The following SPTBN1 variants were observed in gnomAD, a reference collection of about 807,000 sequenced individuals.
The protein encoded by SPTBN1 is spectrin beta, non-erythrocytic 1.
A neutral mutation model predicts 266.4 loss-of-function variants in SPTBN1; 32 were observed. The ratio of observed to expected loss-of-function variants is 0.12; its 90% CI spans 0.09 to 0.16. The LOEUF (loss-of-function observed/expected upper bound fraction) is 0.16. Ranked by LOEUF, SPTBN1 falls within the 10% of genes least tolerant of loss-of-function variation. SPTBN1 has a pLI of 1.00. For synonymous variants in SPTBN1, 1,336 were observed against 1,162.2 expected (o/e 1.15, Z -3.04); for missense variants, 2,296 against 3,067.1 (o/e 0.75, Z 5.94).
chr2:54,636,621 G>A (rs201278216), intron 17 of SPTBN1, among the ~76,000 whole-genome samples: 1 of 152,218 alleles, frequency 6.6e-6, no homozygotes, highest in East Asian at 1.9e-4. Flanking sequence ...CTTACTCAGC[G>A]TGTTGGAGAA....
chr2:54,513,191 C>T (rs1344856035), intron 1 of SPTBN1, among the ~76,000 whole-genome samples: 1 of 151,902 alleles, frequency 6.6e-6, no homozygotes, highest in African/African-American at 2.4e-5. Flanking sequence ...AGCAAGCAAA[C>T]AAAAAAGAAA....
In SPTBN1 at chr2:54,653,528, A is replaced by C. The variant is rs1680445851; in HGVS notation, c.5578-81A>C. The C allele has an allele frequency of 5.8e-6, 9 of 1,557,194 alleles. No individual in the cohort carries two copies. Among genetic ancestry groups the C allele is most frequent in the Non-Finnish European group, 7.8e-6 (9 of 1,160,034 alleles). On this transcript the variant is annotated intron_variant, in intron 26 of 35. Coordinates refer to ENST00000356805, the MANE Select transcript of SPTBN1 (RefSeq NM_003128.3). This position sits in a 1 kb window ranked among gnomAD's most constrained non-coding sequence, Gnocchi z 5.1. ...GACTCTGTGCTCCCTTTAGTGTATG[A>C]GCAGAACAGAATAGGGCTTGGGGTG... is the stretch of plus-strand genomic sequence containing the variant.
intron 1 of SPTBN1, among the ~76,000 whole-genome samples, chr2:54,480,088 T>TAAAA (rs1415655324): frequency 6.6e-6 from 1 of 152,246 alleles, no homozygotes; most frequent in African/African-American, 2.4e-5. Context: ...AATTGACTTT[T>TAAAA]ACTTTTTCAG....
rs781036330 is a variant in SPTBN1 at position 54,660,008 on chromosome 2, C to A, written c.6420+9C>A. 1.9e-6 allele frequency: 3 copies of A among 1,614,194 alleles called. No homozygotes were observed. Among genetic ancestry groups the A allele is most frequent in the Non-Finnish European group, 8.5e-7 (1 of 1,180,044 alleles). ...AACAGGGATCTCCACGGGTTAGTTA[C>A]CGCTCTCAAACCTACCAAAACTACA... On this transcript the variant is annotated intron_variant, in intron 32 of 35. Transcript: ENST00000356805.
chr2:54,459,917 A>G (rs1005361166), intron 1 of SPTBN1, among the ~76,000 whole-genome samples: 1 of 152,194 alleles, frequency 6.6e-6, no homozygotes, highest in African/African-American at 2.4e-5. Flanking sequence ...ACTTGTAATT[A>G]TATTTAAATT....
Position 54,646,600 on chromosome 2 carries a change from A to G in SPTBN1, c.4866+125A>G, listed in dbSNP as rs968552861. The G allele has an allele frequency of 4.4e-6, 5 of 1,133,604 alleles. No homozygotes were observed. Among genetic ancestry groups the G allele is most frequent in the Non-Finnish European group, 5.9e-6 (5 of 851,116 alleles). 70.2% of individuals were successfully genotyped at this position (1,133,604 alleles called of 1,614,324 possible). A position where few individuals can be genotyped will look rare whatever the true frequency, so the allele number is the denominator to read the frequency against. Reference sequence around the variant, plus strand: ...TGTAGCCTTTGAGTGTTAAGGGGACACCATGTGCATGAAGGTGTCTGAAAT... The same window carrying G: ...TGTAGCCTTTGAGTGTTAAGGGGACGCCATGTGCATGAAGGTGTCTGAAAT... On this transcript the variant is annotated intron_variant, in intron 23 of 35. Transcript: ENST00000356805. The surrounding 1 kb of genome is among the most constrained non-coding windows in gnomAD (Gnocchi z 4.4).
chr2:54,612,423 G>A, intron 4 of SPTBN1, 89 bp downstream of exon 4: 6 of 1,404,386 alleles, frequency 4.3e-6, no homozygotes, highest in Non-Finnish European at 5.7e-6. Context: ...TGTATCAGAG[G>A]GATCGGGAAG....
intron 2 of SPTBN1, among the ~76,000 whole-genome samples, chr2:54,583,790 C>T (rs976953635): frequency 6.6e-6 from 1 of 152,138 alleles, no homozygotes; most frequent in Admixed American, 6.6e-5. Flanking sequence ...TGTGATGCCC[C>T]AGAAGAGTAT....
At chr2:54,509,325 G>A (rs1669734268) in intron 1 of SPTBN1, among the ~76,000 whole-genome samples, 1 of 152,204 alleles carries the variant, frequency 6.6e-6, no homozygotes, top group African/African-American at 2.4e-5. Flanking sequence ...TGGTAACTGT[G>A]GGAGACTCAA....
At chr2:54,639,766 A>C (rs889742141) in intron 18 of SPTBN1, among the ~76,000 whole-genome samples, 13 of 152,174 alleles carry the variant, frequency 8.5e-5, no homozygotes, top group Non-Finnish European at 1.8e-4. Flanking sequence ...CTCCACACAC[A>C]CCTTGGCTGA....
At chr2:54,625,019 C>G in intron 11 of SPTBN1, 57 bp downstream of exon 11, 1 of 1,517,528 alleles carries the variant, frequency 6.6e-7, no homozygotes, top group Non-Finnish European at 8.8e-7. Context: ...GAAACACAGA[C>G]CATCCCCAGG....
At chr2:54,631,705 C>T in intron 16 of SPTBN1, 94 bp downstream of exon 16, 2 of 1,450,854 alleles carry the variant, frequency 1.4e-6, no homozygotes, top group Non-Finnish European at 1.9e-6. Context: ...TTAAACCACA[C>T]CTGTATGGAA....
intron 34 of SPTBN1, among the ~76,000 whole-genome samples, chr2:54,666,460 A>G (rs1023950947): frequency 6.6e-6 from 1 of 152,232 alleles, no homozygotes; most frequent in Non-Finnish European, 1.5e-5. Context: ...AGGAGATGCT[A>G]TTCTTTGCTC....
At chr2:54,529,469 A>G (rs776515710) in intron 2 of SPTBN1, 2 of 715,078 alleles carry the variant, frequency 2.8e-6, no homozygotes, top group Non-Finnish European at 5.2e-6. Flanking sequence ...GAAGATCCGC[A>G]TGTCACCCAC....
intron 1 of SPTBN1, among the ~76,000 whole-genome samples, chr2:54,499,825 CATA>C (rs993387525): frequency 6.6e-6 from 1 of 152,254 alleles, no homozygotes; most frequent in African/African-American, 2.4e-5. Context: ...ACTAATAGTA[CATA>C]ATAATAAAAC....
intron 1 of SPTBN1, among the ~76,000 whole-genome samples, chr2:54,459,835 A>C (rs183611903): frequency 6.6e-6 from 1 of 152,222 alleles, no homozygotes; most frequent in South Asian, 2.1e-4. Context: ...GTAAATTTTC[A>C]GTCTTTGCTT....
chr2:54,585,902 C>T (rs1215191837), intron 2 of SPTBN1, among the ~76,000 whole-genome samples: 1 of 152,132 alleles, frequency 6.6e-6, no homozygotes, highest in Non-Finnish European at 1.5e-5. Flanking sequence ...GAAAATATAA[C>T]CGTGGATTGG....
chr2:54,493,001 C>CTTTTTTT (rs70944171), intron 1 of SPTBN1, among the ~76,000 whole-genome samples: 4 of 112,894 alleles, frequency 3.5e-5, no homozygotes, highest in Non-Finnish European at 5.4e-5. Flanking sequence ...AATAACATAT[C>CTTTTTTT]TTTTTTTTTT....
chr2:54,590,202 G>A (rs1675575128), intron 2 of SPTBN1, among the ~76,000 whole-genome samples: 1 of 152,174 alleles, frequency 6.6e-6, no homozygotes, highest in South Asian at 2.1e-4. Flanking sequence ...CCACAAAATT[G>A]CATTTTTATC....
Sources: allele counts gnomAD v4.1 joint callset (sites outside exome capture counted in the v4.1 genomes callset), GRCh38; gene constraint gnomAD v4.1.1; non-coding constraint Gnocchi (gnomAD v3.1); transcripts MANE v1.5; gene names NCBI Gene and HGNC (gene_info 2026-07-23, HGNC 2026-07-21).